ZNF609: variants seen among roughly 807,000 people sequenced by gnomAD.
ZNF609 encodes the protein zinc finger protein 609.
In ZNF609, 11 loss-of-function variants were observed where a neutral mutation model predicts 109.5. The ratio of observed to expected loss-of-function variants is 0.10; its 90% CI spans 0.06 to 0.17. ZNF609 has a LOEUF of 0.17. ZNF609 is among the 10% of genes least tolerant of loss of function. The pLI, the probability that ZNF609 is intolerant of heterozygous loss-of-function variation, is 1.00. For missense variants in ZNF609, 1,559 were observed against 1,772.4 expected (o/e 0.88, Z 2.16); for synonymous variants, 646 against 662.0 (o/e 0.98, Z 0.37).
chr15:64,567,361 A>G (rs1894792533), intron 2 of ZNF609, among the ~76,000 whole-genome samples: 1 of 151,908 alleles, frequency 6.6e-6, no homozygotes, highest in Non-Finnish European at 1.5e-5. Flanking sequence ...GCGCACCTGT[A>G]GTCTCAGCTA....
chr15:64,571,318 GCA>G (rs1894856826), intron 2 of ZNF609, among the ~76,000 whole-genome samples: 1 of 152,020 alleles, frequency 6.6e-6, no homozygotes, highest in African/African-American at 2.4e-5. Context: ...AAGAAAGAGA[GCA>G]AACATTTATT....
Position 64,675,452 on chromosome 15 carries a change from C to T in ZNF609, c.2598C>T (p.Asp866=), listed in dbSNP as rs768574204. 10 of 1,614,116 alleles carry T rather than the reference C, an allele frequency of 6.2e-6. No individual in the cohort carries two copies. Among genetic ancestry groups the T allele is most frequent in the South Asian group, 3.3e-5 (3 of 91,082 alleles). The part of the protein sequence containing the change: ...EGKVDSVKSK[D]AEQLVKEGAK... ...AGGTAGACAGTGTCAAATCAAAGGA[C>T]GCCGAACAGTTGGTTAAAGAAGGGG... The change falls in exon 5 of 10, where the codon GAC becomes GAT. Residue 866 remains aspartate (D), a synonymous_variant. Transcript: ENST00000326648.
chr15:64,588,297 C>T (rs548811109), intron 2 of ZNF609, among the ~76,000 whole-genome samples: 5 of 148,714 alleles, frequency 3.4e-5, no homozygotes, highest in East Asian at 4.1e-4. Flanking sequence ...GGCGTGGTGG[C>T]GGGCACCTGT....
At chr15:64,552,433 G>A (rs185939034) in intron 2 of ZNF609, among the ~76,000 whole-genome samples, 5 of 152,148 alleles carry the variant, frequency 3.3e-5, no homozygotes, top group Admixed American at 2.0e-4. Context: ...GTGCAGTGAC[G>A]CGATCTTGGC....
chr15:64,598,794 A>G (rs1470723781), intron 2 of ZNF609, among the ~76,000 whole-genome samples: 4 of 112,880 alleles, frequency 3.5e-5, no homozygotes, highest in Non-Finnish European at 5.4e-5. Context: ...ATATCCTGTT[A>G]TCTTCTTGAT....
Position 64,577,008 on chromosome 15 carries a change from G to GTATATATACACATAAATATATA in ZNF609, c.748-45816_748-45815insATATACACATAAATATATATAT, listed in dbSNP as rs1567019051. Among the ~76,000 whole-genome samples the GTATATATACACATAAATATATA allele has an allele frequency of 1.9e-3, 210 of 112,308 alleles. 9 individuals are homozygous for GTATATATACACATAAATATATA. Among genetic ancestry groups the GTATATATACACATAAATATATA allele is most frequent in the African/African-American group, 3.7e-3 (116 of 31,366 alleles). The allele number at this position is 112,308 out of a possible 152,430, so 73.7% of individuals were successfully genotyped here. On this transcript the variant is annotated intron_variant, in intron 2 of 9. Coordinates refer to ENST00000326648, the MANE Select transcript of ZNF609 (RefSeq NM_015042.2). ...TATGTATACACATAAATATATATAT[G>GTATATATACACATAAATATATA]TATGTATACACATAAATATATATAT...
At chr15:64,545,920 A>G (rs1045225055) in intron 2 of ZNF609, among the ~76,000 whole-genome samples, 5 of 152,154 alleles carry the variant, frequency 3.3e-5, no homozygotes, top group African/African-American at 9.7e-5. Flanking sequence ...CACCAGTTGG[A>G]TCATTTCCAA....
chr15:64,578,200 A>T (rs1234578522), intron 2 of ZNF609, among the ~76,000 whole-genome samples: 2 of 151,114 alleles, frequency 1.3e-5, no homozygotes, highest in East Asian at 3.9e-4. Context: ...CCTGGAGTGC[A>T]ATGGCATGAT....
intron 3 of ZNF609, among the ~76,000 whole-genome samples, chr15:64,627,266 G>T (rs1895979022): frequency 6.6e-6 from 1 of 152,036 alleles, no homozygotes; most frequent in African/African-American, 2.4e-5. Context: ...TCTAATCTAG[G>T]ATCCTGAAAA....
chr15:64,659,028 G>A (rs1348146452), intron 3 of ZNF609, among the ~76,000 whole-genome samples: 1 of 152,048 alleles, frequency 6.6e-6, no homozygotes, highest in Non-Finnish European at 1.5e-5. Flanking sequence ...CTGGCCTCAA[G>A]TGATCTGCTC....
intron 3 of ZNF609, among the ~76,000 whole-genome samples, chr15:64,649,371 C>A (rs975019544): frequency 2.6e-5 from 4 of 152,134 alleles, no homozygotes; most frequent in Non-Finnish European, 5.9e-5. Context: ...AGAACTCTGT[C>A]TCACACATAC....
intron 3 of ZNF609, among the ~76,000 whole-genome samples, chr15:64,650,899 G>A (rs567664793): frequency 1.2e-4 from 18 of 147,910 alleles, no homozygotes; most frequent in Non-Finnish European, 1.8e-4. Flanking sequence ...GGTGGGGGGG[G>A]GATCCTTTGT....
chr15:64,537,659 C>T (rs367743071), intron 2 of ZNF609, among the ~76,000 whole-genome samples: 1 of 152,086 alleles, frequency 6.6e-6, no homozygotes, highest in Non-Finnish European at 1.5e-5. Context: ...ATGGCTGGAG[C>T]ATGTGGAACA....
intron 1 of ZNF609, among the ~76,000 whole-genome samples, chr15:64,487,510 C>T (rs538614366): frequency 6.6e-6 from 1 of 152,308 alleles, no homozygotes; most frequent in Non-Finnish European, 1.5e-5. Flanking sequence ...TTATTTCCAG[C>T]ACCCTGCAAG....
chr15:64,678,581 GA>G (rs1896839500), intron 6 of ZNF609, 99 bp downstream of exon 6: 1 of 1,493,308 alleles, frequency 6.7e-7, no homozygotes, highest in African/African-American at 1.4e-5. Context: ...AAGGCATATT[GA>G]GGCTCGCTTA....
At chr15:64,504,221 C>T (rs887685834) in intron 2 of ZNF609, among the ~76,000 whole-genome samples, 6 of 152,168 alleles carry the variant, frequency 3.9e-5, no homozygotes, top group Non-Finnish European at 8.8e-5. Flanking sequence ...CATTCAGAAA[C>T]TCTGTTTTCC....
At chr15:64,567,397 G>A (rs1322785635) in intron 2 of ZNF609, among the ~76,000 whole-genome samples, 1 of 151,514 alleles carries the variant, frequency 6.6e-6, no homozygotes, top group South Asian at 2.1e-4. Context: ...CAGGAGAATC[G>A]TTTGAACCCG....
At chr15:64,567,266 A>T (rs1453363463) in intron 2 of ZNF609, among the ~76,000 whole-genome samples, 1 of 151,940 alleles carries the variant, frequency 6.6e-6, no homozygotes, top group Non-Finnish European at 1.5e-5. Context: ...CGTGTGGATC[A>T]TGAGGTCAAG....
In ZNF609 at chr15:64,543,916, A is replaced by G. The variant is rs994914385; in HGVS notation, c.747+43750A>G. On this transcript the variant is annotated intron_variant, in intron 2 of 9. Coordinates refer to ENST00000326648, the MANE Select transcript of ZNF609 (RefSeq NM_015042.2). ...AGATTGGAAGATCTTTTTGAAGGCA[A>G]GTCTTGTGTTGTCTTTGCCTTAGGC... 3.3e-5 allele frequency among the ~76,000 whole-genome samples: 5 copies of G among 152,114 alleles called. No individual in the cohort carries two copies. The East Asian group carries it at 7.7e-4, about 23-fold the overall frequency.
Sources: gnomAD v4.1 joint callset for allele counts (sites outside exome capture counted in the v4.1 genomes callset) on GRCh38, gnomAD v4.1.1 for gene constraint, MANE v1.5 for transcripts, NCBI Gene and HGNC (gene_info 2026-07-23, HGNC 2026-07-21) for gene names.